The following SLC8A3 variants were observed in gnomAD, a reference collection of about 807,000 sequenced individuals.
SLC8A3 encodes sodium/calcium exchanger 3.
SLC8A3 carries 37 observed loss-of-function variants against 65.4 expected under a neutral mutation model. That is an observed-to-expected ratio of 0.57 (90% CI 0.44 to 0.74). The LOEUF (loss-of-function observed/expected upper bound fraction) is 0.74. Among genes scored for constraint, SLC8A3 ranks in the 30% least tolerant of loss-of-function variants. The probability of loss-of-function intolerance (pLI) is 0.00; values close to 1 mark genes in which losing one functional copy is unlikely to be tolerated. For synonymous variants in SLC8A3, 461 were observed against 444.5 expected (o/e 1.04, Z -0.47); for missense variants, 1,112 against 1,172.1 (o/e 0.95, Z 0.75).
intron 1 of SLC8A3, among the ~76,000 whole-genome samples, chr14:70,184,137 TGA>T (rs757168074): frequency 2.1e-4 from 32 of 152,200 alleles, no homozygotes; most frequent in Non-Finnish European, 3.7e-4. Context: ...TCGCTACCCA[TGA>T]GAGTCTGTAC....
chr14:70,115,725 T>C (rs1893608791), intron 2 of SLC8A3, among the ~76,000 whole-genome samples: 1 of 152,102 alleles, frequency 6.6e-6, no homozygotes, highest in South Asian at 2.1e-4. Flanking sequence ...AGTGGCCACA[T>C]GGGCTGGGGT....
chr14:70,069,124 A>C (rs1335934620), intron 2 of SLC8A3, among the ~76,000 whole-genome samples: 3 of 152,234 alleles, frequency 2.0e-5, no homozygotes, highest in Admixed American at 6.5e-5. Context: ...ATTTTAGCCT[A>C]TGTCCCCCTA....
chr14:70,048,228 C>T lies in SLC8A3; in HGVS notation c.2389+539G>A, dbSNP rs184669154. 2.6e-3 allele frequency: 497 copies of T among 193,582 alleles called. 4 individuals are homozygous for T. The highest frequency in any genetic ancestry group is 6.1e-3 in the Admixed American group (114 of 18,678). The allele number at this position is 193,582 out of a possible 1,614,324, so 12.0% of individuals were successfully genotyped here. Reference sequence around the variant, plus strand: ...CCTGCTAGGAGATACTTTGTACTCACAGTGTCCTTCCAAGTAGAGGAGGCC... The same window carrying T: ...CCTGCTAGGAGATACTTTGTACTCATAGTGTCCTTCCAAGTAGAGGAGGCC... On this transcript the variant is annotated intron_variant, in intron 6 of 6. Coordinates refer to ENST00000356921, the MANE Select transcript of SLC8A3 (RefSeq NM_182932.3).
chr14:70,132,456 G>C (rs573021408), intron 2 of SLC8A3, among the ~76,000 whole-genome samples: 10 of 152,322 alleles, frequency 6.6e-5, no homozygotes, highest in African/African-American at 2.4e-4. Flanking sequence ...CAGAGGATCT[G>C]CAGCCAAACT....
intron 2 of SLC8A3, among the ~76,000 whole-genome samples, chr14:70,135,685 TA>T (rs58796589): frequency 2.2e-4 from 33 of 146,824 alleles, no homozygotes; most frequent in East Asian, 9.9e-4. Flanking sequence ...ATGAGAGCTA[TA>T]AAAAAAAAAA....
intron 5 of SLC8A3, among the ~76,000 whole-genome samples, chr14:70,049,267 G>A (rs72729821): frequency 5.9e-4 from 90 of 152,304 alleles, no homozygotes; most frequent in Admixed American, 1.2e-3. Flanking sequence ...GGTAGAGTGG[G>A]AGAGAGAGGG....
Position 70,052,034 on chromosome 14 carries a change from G to C in SLC8A3, c.1969C>G (p.His657Asp). 5.0e-6 allele frequency: 8 copies of C among 1,612,976 alleles called. No homozygotes were observed. The highest frequency in any genetic ancestry group is 6.8e-6 in the Non-Finnish European group (8 of 1,179,546). The part of the protein sequence containing the change: ...AEMGKPVLGE[H>D]PKLEVIIEES... ...TCAATGATGACTTCTAGTTTGGGGT[G>C]TTCACCCAATACTGGCTTTCCCATC... Residue 657 changes from histidine (H) to aspartate (D), a missense_variant, in exon 4 of 7, where the codon CAC (histidine) becomes GAC (aspartate). Coordinates refer to ENST00000356921, the MANE Select transcript of SLC8A3 (RefSeq NM_182932.3).
rs1401135015 is a variant in SLC8A3, at chr14:70,044,400, A to G, written c.*1547T>C. 8.6e-6 allele frequency: 1 copy of G among 116,410 alleles called. No homozygotes were observed. The highest frequency in any genetic ancestry group is 3.1e-4 in the East Asian group (1 of 3,198). 7.2% of individuals were successfully genotyped at this position (116,410 alleles called of 1,614,324 possible). ...CTTCCCCCCCCCCCTTAGAAAATGT[A>G]TTTATGTCAATGCAGAAAGCCTAAA... is the stretch of plus-strand genomic sequence containing the variant. On this transcript the variant is annotated 3_prime_UTR_variant, in exon 7 of 7. Transcript: ENST00000356921.
chr14:70,111,714 G>A (rs1337212916), intron 2 of SLC8A3, among the ~76,000 whole-genome samples: 1 of 152,218 alleles, frequency 6.6e-6, no homozygotes, highest in Non-Finnish European at 1.5e-5. Flanking sequence ...TCAGCTCTAG[G>A]ATTCGTAAGG....
intron 2 of SLC8A3, among the ~76,000 whole-genome samples, chr14:70,078,187 G>A (rs1164357766): frequency 6.6e-6 from 1 of 152,192 alleles, no homozygotes; most frequent in Non-Finnish European, 1.5e-5. Flanking sequence ...ATTCTGGGGT[G>A]ATAAAAGAAA....
At chr14:70,063,630 AGCT>A (rs1368665184) in intron 2 of SLC8A3, among the ~76,000 whole-genome samples, 1 of 152,130 alleles carries the variant, frequency 6.6e-6, no homozygotes, top group Non-Finnish European at 1.5e-5. Flanking sequence ...GTTAGGACAG[AGCT>A]GGGGGCAGAG....
At chr14:70,150,429 G>A (rs1168149274) in intron 2 of SLC8A3, among the ~76,000 whole-genome samples, 2 of 152,224 alleles carry the variant, frequency 1.3e-5, no homozygotes, top group East Asian at 3.9e-4. Flanking sequence ...CACTCACATC[G>A]CTGCTTTCAC....
intron 2 of SLC8A3, among the ~76,000 whole-genome samples, chr14:70,074,729 A>T (rs1890321690): frequency 6.6e-6 from 1 of 152,194 alleles, no homozygotes; most frequent in South Asian, 2.1e-4. Flanking sequence ...ACACCTAAAA[A>T]CTCAGTAATC....
At chr14:70,116,089 C>G (rs1486790403) in intron 2 of SLC8A3, among the ~76,000 whole-genome samples, 2 of 152,042 alleles carry the variant, frequency 1.3e-5, no homozygotes, top group African/African-American at 2.4e-5. Context: ...ATTGGCACCC[C>G]CCTCCCCCAC....
chr14:70,089,784 G>A (rs549352701), intron 2 of SLC8A3, among the ~76,000 whole-genome samples: 1 of 152,094 alleles, frequency 6.6e-6, no homozygotes, highest in South Asian at 2.1e-4. Context: ...TTTTTAATTG[G>A]CTTCTACCAA....
Position 70,049,052 on chromosome 14 carries a change from A to G in SLC8A3, c.2114-10T>C. The G allele has an allele frequency of 6.3e-7, 1 of 1,596,634 alleles. No individual in the cohort carries two copies. The highest frequency in any genetic ancestry group is 1.7e-4 in the Middle Eastern group (1 of 5,960). Reference sequence around the variant, plus strand: ...TCATCCTCATCCCCTGCTGAAGGCAAGATAAACAGGCAAGAGAACGGGTAA... The same window carrying G: ...TCATCCTCATCCCCTGCTGAAGGCAGGATAAACAGGCAAGAGAACGGGTAA... On this transcript the variant is annotated splice_polypyrimidine_tract_variant and intron_variant, in intron 5 of 6. Transcript: ENST00000356921.
chr14:70,154,640 C>T (rs551652318), intron 2 of SLC8A3, among the ~76,000 whole-genome samples: 4 of 152,202 alleles, frequency 2.6e-5, no homozygotes, highest in Non-Finnish European at 5.9e-5. Context: ...GTTCTTTGCA[C>T]TTTTTCTCAT....
chr14:70,135,531 T>C (rs1053115547), intron 2 of SLC8A3, among the ~76,000 whole-genome samples: 8 of 152,242 alleles, frequency 5.3e-5, no homozygotes, highest in Non-Finnish European at 1.0e-4. Flanking sequence ...AGATATGATA[T>C]ACATACAAAA....
intron 2 of SLC8A3, among the ~76,000 whole-genome samples, chr14:70,113,947 C>T (rs1595006904): frequency 6.6e-6 from 1 of 151,886 alleles, no homozygotes; most frequent in South Asian, 2.1e-4. Context: ...ACGGAATTTT[C>T]TTCTCTGAAG....
Sources: allele counts gnomAD v4.1 joint callset (sites outside exome capture counted in the v4.1 genomes callset), GRCh38; gene constraint gnomAD v4.1.1; transcripts MANE v1.5; gene names NCBI Gene and HGNC (gene_info 2026-07-23, HGNC 2026-07-21).